Variants in FAM204A observed in about 807,000 individuals in gnomAD.
The protein encoded by FAM204A is protein FAM204A.
In FAM204A, 16 loss-of-function variants were observed where a neutral mutation model predicts 35.4. The observed-to-expected ratio is 0.45, with a 90% confidence interval of 0.31 to 0.69. The LOEUF (loss-of-function observed/expected upper bound fraction) is 0.69, where lower values mean the gene tolerates loss of function less well. Ranked by LOEUF, FAM204A falls within the 30% of genes least tolerant of loss-of-function variation. The pLI, the probability that FAM204A is intolerant of heterozygous loss-of-function variation, is 0.07. For missense variants in FAM204A, 240 were observed against 265.7 expected, an observed-to-expected ratio of 0.90 and a Z score of 0.67; for synonymous variants, 76 against 86.9, an observed-to-expected ratio of 0.88 and a Z score of 0.70.
chr10:118,314,989 C>A (rs1236525467), intron 7 of FAM204A, among the ~76,000 whole-genome samples: 1 of 152,028 alleles, frequency 6.6e-6, no homozygotes, highest in Non-Finnish European at 1.5e-5. Context: ...CATAAAAGGT[C>A]TTTCAAAAAG....
chr10:118,332,667 C>CA lies in FAM204A; in HGVS notation c.453+2446dup, dbSNP rs201814430. 1.8e-4 allele frequency among the ~76,000 whole-genome samples: 27 copies of CA among 150,392 alleles called. No individual in the cohort carries two copies. The East Asian group carries it at 3.5e-3, about 20-fold the overall frequency. On this transcript the variant is annotated intron_variant, in intron 6 of 8. Coordinates refer to ENST00000369183, the MANE Select transcript of FAM204A (RefSeq NM_022063.3). ...ACTCTGCTAAAAACAAACAAACAAA[C>CA]AAACAAAAAAAACCAAGTTCGAAAA...
At chr10:118,335,455 C>CTAA in intron 4 of FAM204A, 29 bp from the exon 5 acceptor site, 3 of 1,597,386 alleles carry the variant, frequency 1.9e-6, no homozygotes, top group Non-Finnish European at 2.6e-6. Context: ...GTGTCAATAC[C>CTAA]TAACTTCAGT....
chr10:118,298,153 C>G lies in FAM204A; in HGVS notation c.*12704G>C, dbSNP rs1022431169. ...TGTGGGAGTGAGAGAGCTAACGTTA[C>G]GTGTGGCTTTAAATTTTTGAGCCCC... is the stretch of plus-strand genomic sequence containing the variant. On this transcript the variant is annotated 3_prime_UTR_variant, in exon 9 of 9. Transcript: ENST00000369183. 2 of 152,204 alleles carry G rather than the reference C, an allele frequency of 1.3e-5. No homozygotes were observed. Among genetic ancestry groups the G allele is most frequent in the Non-Finnish European group, 2.9e-5 (2 of 68,058 alleles). The allele number at this position is 152,204 out of a possible 1,614,324, so 9.4% of individuals were successfully genotyped here. A position where few individuals can be genotyped will look rare whatever the true frequency, so the allele number is the denominator to read the frequency against.
At chr10:118,311,685 C>T (rs1434934254) in intron 7 of FAM204A, among the ~76,000 whole-genome samples, 2 of 152,132 alleles carry the variant, frequency 1.3e-5, no homozygotes, top group Non-Finnish European at 2.9e-5. Flanking sequence ...TTTCTTTGCT[C>T]TGGGCTAGAA....
chr10:118,320,036 T>C (rs1846087379), intron 7 of FAM204A, among the ~76,000 whole-genome samples: 1 of 151,832 alleles, frequency 6.6e-6, no homozygotes. Flanking sequence ...ACCTAAGCAA[T>C]AGGTATGATG....
Position 118,310,808 on chromosome 10 carries a change from A to C in FAM204A, c.*49T>G, listed in dbSNP as rs1402254309. 1 of 1,442,984 alleles carries C rather than the reference A, an allele frequency of 6.9e-7. No homozygotes were observed. Among genetic ancestry groups the C allele is most frequent in the Non-Finnish European group, 9.6e-7 (1 of 1,045,606 alleles). 89.4% of individuals were successfully genotyped at this position (1,442,984 alleles called of 1,614,324 possible). On this transcript the variant is annotated 3_prime_UTR_variant, in exon 9 of 9. Coordinates refer to ENST00000369183, the MANE Select transcript of FAM204A (RefSeq NM_022063.3). ...TTAACATAGGCAGGAAAACATTCTC[A>C]GTAAATTGAGCATTTGAGTCTACAA...
chr10:118,309,880 TTTTAG>T lies in FAM204A; in HGVS notation c.*972_*976del, dbSNP rs1845920067. On this transcript the variant is annotated 3_prime_UTR_variant, in exon 9 of 9. Coordinates refer to ENST00000369183, the MANE Select transcript of FAM204A (RefSeq NM_022063.3). The stretch of plus-strand genomic sequence containing the variant: ...CTGAGAAAAATACTTAGGAAGACAT[TTTTAG>T]GCGTTGCTGAATTTAAATCATCTTC... 6.6e-6 allele frequency: 1 copy of T among 152,330 alleles called. No individual in the cohort carries two copies. The highest frequency in any genetic ancestry group is 1.9e-4 in the East Asian group (1 of 5,182). 9.4% of individuals were successfully genotyped at this position (152,330 alleles called of 1,614,324 possible).
chr10:118,335,706 T>C, intron 3 of FAM204A, 65 bp from the exon 4 acceptor site: 1 of 1,181,844 alleles, frequency 8.5e-7, no homozygotes, highest in Non-Finnish European at 1.2e-6. Flanking sequence ...ATTTAAAAAA[T>C]AATGAAGTAA....
rs1845939104 is a variant in FAM204A at position 118,310,653 on chromosome 10, A to T, written c.*204T>A. On this transcript the variant is annotated 3_prime_UTR_variant, in exon 9 of 9. Coordinates refer to ENST00000369183, the MANE Select transcript of FAM204A (RefSeq NM_022063.3). ...TTTTTTTTCTTACATTTCTTATACA[A>T]ATAACAGAATGCTTCATTTTATTCA... The T allele has an allele frequency of 7.5e-6, 4 of 534,188 alleles. No homozygotes were observed. The highest frequency in any genetic ancestry group is 1.3e-5 in the Non-Finnish European group (4 of 309,652). The allele number at this position is 534,188 out of a possible 1,614,324, so 33.1% of individuals were successfully genotyped here.
intron 7 of FAM204A, among the ~76,000 whole-genome samples, chr10:118,312,662 C>A (rs879336050): frequency 1.3e-5 from 2 of 152,100 alleles, no homozygotes; most frequent in Non-Finnish European, 2.9e-5. Context: ...CCGAATTGGT[C>A]AACATCAACA....
At chr10:118,333,647 T>C (rs868301622) in intron 6 of FAM204A, among the ~76,000 whole-genome samples, 2 of 152,170 alleles carry the variant, frequency 1.3e-5, no homozygotes, top group South Asian at 4.1e-4. Flanking sequence ...CTTCCTTTCC[T>C]CTTATGCTTG....
At chr10:118,325,000 C>T (rs905798626) in intron 7 of FAM204A, among the ~76,000 whole-genome samples, 1 of 151,954 alleles carries the variant, frequency 6.6e-6, no homozygotes, top group South Asian at 2.1e-4. Context: ...TTCTCTCTCA[C>T]ACACACACAC....
Position 118,302,304 on chromosome 10 carries a change from C to T in FAM204A, c.*8553G>A, listed in dbSNP as rs954973030. 1 of 152,184 alleles carries T rather than the reference C, an allele frequency of 6.6e-6. No homozygotes were observed. The highest frequency in any genetic ancestry group is 1.5e-5 in the Non-Finnish European group (1 of 68,042). 9.4% of individuals were successfully genotyped at this position (152,184 alleles called of 1,614,324 possible). A position where few individuals can be genotyped will look rare whatever the true frequency, so the allele number is the denominator to read the frequency against. On this transcript the variant is annotated 3_prime_UTR_variant, in exon 9 of 9. Coordinates refer to ENST00000369183, the MANE Select transcript of FAM204A (RefSeq NM_022063.3). The stretch of plus-strand genomic sequence containing the variant: ...CCAGATTCTGTTATCTGACCTTAAC[C>T]TTGGAAAATCCTCTAGTGCCATCCT...
Position 118,299,339 on chromosome 10 carries a change from G to A in FAM204A, c.*11518C>T, listed in dbSNP as rs540529658. On this transcript the variant is annotated 3_prime_UTR_variant, in exon 9 of 9. Transcript: ENST00000369183. ...GTATTTTTTTTTGAGGTCAAGCTAG[G>A]TACTTGACATGATTTGGTTTTGGAA... 2 of 146,018 alleles carry A rather than the reference G, an allele frequency of 1.4e-5. No individual in the cohort carries two copies. Among genetic ancestry groups the A allele is most frequent in the Admixed American group, 1.3e-4 (2 of 14,838 alleles). 9.0% of individuals were successfully genotyped at this position (146,018 alleles called of 1,614,324 possible). A position where few individuals can be genotyped will look rare whatever the true frequency, so the allele number is the denominator to read the frequency against.
intron 2 of FAM204A, among the ~76,000 whole-genome samples, 200 bp downstream of exon 2, chr10:118,341,527 C>A (rs925507711): frequency 6.6e-6 from 1 of 152,206 alleles, no homozygotes; most frequent in African/African-American, 2.4e-5. Flanking sequence ...AACTGAATTA[C>A]AGGCCTGAGA....
intron 2 of FAM204A, chr10:118,337,354 A>G (rs1935917): frequency 0.21 from 92,019 of 444,832 alleles, 10,034 homozygotes; most frequent in East Asian, 0.35. Flanking sequence ...ATGAAGGAAT[A>G]AAATGGAAGG....
intron 6 of FAM204A, among the ~76,000 whole-genome samples, chr10:118,328,255 AT>A (rs1846230518): frequency 1.3e-5 from 2 of 152,106 alleles, no homozygotes; most frequent in Admixed American, 6.5e-5. Context: ...CTGGAACCTC[AT>A]TCCCTGGCAC....
At chr10:118,324,782 T>C (rs1374737431) in intron 7 of FAM204A, among the ~76,000 whole-genome samples, 2 of 152,078 alleles carry the variant, frequency 1.3e-5, no homozygotes, top group Non-Finnish European at 2.9e-5. Flanking sequence ...GCAATGTAAA[T>C]GCACTTAATT....
At chr10:118,313,757 A>G (rs981147839) in intron 7 of FAM204A, among the ~76,000 whole-genome samples, 2 of 152,234 alleles carry the variant, frequency 1.3e-5, no homozygotes, top group Non-Finnish European at 2.9e-5. Context: ...AACTGAGACT[A>G]TACTGTAAGA....
Sources: gnomAD v4.1 joint callset for allele counts (sites outside exome capture counted in the v4.1 genomes callset) on GRCh38, gnomAD v4.1.1 for gene constraint, MANE v1.5 for transcripts, NCBI Gene and HGNC (gene_info 2026-07-23, HGNC 2026-07-21) for gene names.